Variants in RBFOX3 observed in about 807,000 individuals in gnomAD.
RBFOX3 encodes RNA binding protein fox-1 homolog 3.
In RBFOX3, 17 loss-of-function variants were observed where a neutral mutation model predicts 48.7. The observed-to-expected ratio is 0.35, with a 90% CI of 0.24 to 0.52. The LOEUF is 0.52. RBFOX3 is among the 20% of genes least tolerant of loss of function. The probability of loss-of-function intolerance (pLI) is 0.94; values close to 1 mark genes in which losing one functional copy is unlikely to be tolerated. For missense variants in RBFOX3, 382 were observed against 497.5 expected (o/e 0.77, Z 2.21); for synonymous variants, 212 against 209.5 (o/e 1.01, Z -0.10).
intron 4 of RBFOX3, among the ~76,000 whole-genome samples, chr17:79,158,205 C>T (rs138811593): frequency 2.6e-5 from 4 of 152,320 alleles, no homozygotes; most frequent in African/African-American, 9.6e-5. Flanking sequence ...ACAGAACCAA[C>T]CCTGCCCACA....
In RBFOX3 at chr17:79,115,498, A is replaced by T. The variant is rs897111080; in HGVS notation, c.218T>A (p.Val73Glu). 79 of 1,326,408 alleles carry T rather than the reference A, an allele frequency of 6.0e-5. No homozygotes were observed. Among genetic ancestry groups the T allele is most frequent in the Non-Finnish European group, 3.9e-6 (4 of 1,038,338 alleles). 82.2% of individuals were successfully genotyped at this position (1,326,408 alleles called of 1,614,324 possible). ...STQPIAGTQTVPQTDEAAQTD... is the reference protein window; with the variant it reads ...STQPIAGTQTEPQTDEAAQTD... ...TGGGGTCGTGGGGGCCCTTACCGGC[A>T]CTGTCTGGGTCCCGGCGATGGGCTG... Residue 73 changes from valine (V) to glutamate (E), a missense_variant, in exon 5 of 15, where the codon GTG becomes GAG. Coordinates refer to ENST00000693108, the MANE Select transcript of RBFOX3 (RefSeq NM_001350451.2).
chr17:79,584,038 G>A (rs2093162267), intron 1 of RBFOX3, among the ~76,000 whole-genome samples: 1 of 152,184 alleles, frequency 6.6e-6, no homozygotes, highest in Non-Finnish European at 1.5e-5. Flanking sequence ...AATGCTGGGA[G>A]AGGAGGAGGC....
At chr17:79,097,812 T>C in intron 9 of RBFOX3, 67 bp from the exon 10 acceptor site, 1 of 1,496,392 alleles carries the variant, frequency 6.7e-7, no homozygotes, top group Non-Finnish European at 9.1e-7. Flanking sequence ...AACGTATGCC[T>C]GGGAACCCCA....
intron 2 of RBFOX3, among the ~76,000 whole-genome samples, chr17:79,317,223 C>T (rs898374437): frequency 2.0e-5 from 3 of 152,198 alleles, no homozygotes; most frequent in Non-Finnish European, 4.4e-5. Flanking sequence ...AAATTGCAGA[C>T]CCAGTTCATT....
chr17:79,579,803 G>A (rs1006430906), intron 1 of RBFOX3, among the ~76,000 whole-genome samples: 5 of 146,346 alleles, frequency 3.4e-5, no homozygotes, highest in Admixed American at 3.4e-4. Context: ...CTGGCGCCAT[G>A]GTGGGGAGCC....
chr17:79,133,956 T>C (rs1485036222), intron 4 of RBFOX3, among the ~76,000 whole-genome samples: 19 of 152,236 alleles, frequency 1.2e-4, no homozygotes. Flanking sequence ...GTTTCTGTTT[T>C]CTGCATATTC....
intron 1 of RBFOX3, among the ~76,000 whole-genome samples, chr17:79,490,249 G>A (rs1047259792): frequency 2.0e-5 from 3 of 152,166 alleles, no homozygotes; most frequent in African/African-American, 7.2e-5. Context: ...TTTTGGTATT[G>A]TTGAAATGTT....
intron 2 of RBFOX3, among the ~76,000 whole-genome samples, chr17:79,449,622 AACACAC>A (rs57480439): frequency 2.5e-4 from 36 of 144,602 alleles, no homozygotes; most frequent in South Asian, 6.9e-4. Context: ...TGCACACATA[AACACAC>A]ACACACACAC....
chr17:79,297,588 C>T (rs1369913490), intron 3 of RBFOX3, among the ~76,000 whole-genome samples: 4 of 152,212 alleles, frequency 2.6e-5, no homozygotes, highest in African/African-American at 9.6e-5. Context: ...GAAATCTGGC[C>T]CAGTGCCTGC....
intron 14 of RBFOX3, among the ~76,000 whole-genome samples, chr17:79,091,592 G>A (rs2073913841): frequency 1.3e-5 from 2 of 152,240 alleles, no homozygotes; most frequent in Admixed American, 6.5e-5. Flanking sequence ...AATGCAGGGA[G>A]GGGACTGACC....
At chr17:79,598,319 T>A (rs1215712387) in intron 1 of RBFOX3, 1 of 152,348 alleles carries the variant, frequency 6.6e-6, no homozygotes, top group Admixed American at 6.5e-5. Flanking sequence ...CGTGCACACA[T>A]GCACACACAC....
rs1415159224 is a variant in RBFOX3 at position 79,311,605 on chromosome 17, TCTAC to T, written c.-174-3785_-174-3782del. 5.9e-5 allele frequency among the ~76,000 whole-genome samples: 9 copies of T among 152,174 alleles called. No individual in the cohort carries two copies. The highest frequency in any genetic ancestry group is 5.9e-4 in the Admixed American group (9 of 15,284). On this transcript the variant is annotated intron_variant, in intron 2 of 14. Coordinates refer to ENST00000693108, the MANE Select transcript of RBFOX3 (RefSeq NM_001350451.2). The surrounding 1 kb of genome is among the most constrained non-coding windows in gnomAD (Gnocchi z 4.2). ...CAATCAATAATCAATCAATCAATCA[TCTAC>T]CTACCTACCTAGGTCCTGTTGACTT...
intron 4 of RBFOX3, among the ~76,000 whole-genome samples, chr17:79,216,950 C>T (rs955249624): frequency 5.3e-5 from 8 of 152,168 alleles, no homozygotes; most frequent in South Asian, 2.1e-4. Context: ...GTCTCCCCAC[C>T]GTGGTGGCAG....
chr17:79,351,471 C>T (rs1199911044), intron 2 of RBFOX3, among the ~76,000 whole-genome samples: 2 of 152,168 alleles, frequency 1.3e-5, no homozygotes, highest in Non-Finnish European at 2.9e-5. Flanking sequence ...AGTGCAGTGG[C>T]TCACTGCAGC....
rs1254543647 is a variant in RBFOX3, at chr17:79,280,799, TC to T, written c.-74+26924del. On this transcript the variant is annotated intron_variant, in intron 3 of 14. Coordinates refer to ENST00000693108, the MANE Select transcript of RBFOX3 (RefSeq NM_001350451.2). ...GCCAGGGGCCTCTGCCTGCACATCA[TC>T]CTGAGACCAGGAAAGAGCTGCCAGG... Among the ~76,000 whole-genome samples the T allele has an allele frequency of 1.2e-4, 15 of 125,130 alleles. 1 individual carries two copies. Among genetic ancestry groups the T allele is most frequent in the African/African-American group, 4.5e-4 (15 of 33,132 alleles). The allele number at this position is 125,130 out of a possible 152,430, so 82.1% of individuals were successfully genotyped here. A position where few individuals can be genotyped will look rare whatever the true frequency, so the allele number is the denominator to read the frequency against.
rs1439761809 is a variant in RBFOX3, at chr17:79,214,350, A to G, written c.-34+21416T>C. 3.3e-5 allele frequency among the ~76,000 whole-genome samples: 5 copies of G among 152,162 alleles called. No individual in the cohort carries two copies. Among genetic ancestry groups the G allele is most frequent in the African/African-American group, 1.2e-4 (5 of 41,434 alleles). ...GGTCATGGAGGTGCCTCATGGAGGAAAGCCCTGTCTCCTCATTAATTAGAC... is the reference window on the plus strand; with the variant it reads ...GGTCATGGAGGTGCCTCATGGAGGAGAGCCCTGTCTCCTCATTAATTAGAC... On this transcript the variant is annotated intron_variant, in intron 4 of 14. Coordinates refer to ENST00000693108, the MANE Select transcript of RBFOX3 (RefSeq NM_001350451.2). The surrounding 1 kb of genome is among the most constrained non-coding windows in gnomAD (Gnocchi z 4.7).
At chr17:79,642,357 TCAC>T in the RBFOX3 span, among the ~76,000 whole-genome samples, 1 of 152,174 alleles carries the variant, frequency 6.6e-6, no homozygotes, top group Non-Finnish European at 1.5e-5. Flanking sequence ...TTAAGTATCT[TCAC>T]CACAACAAAA....
intron 3 of RBFOX3, among the ~76,000 whole-genome samples, chr17:79,284,366 T>C (rs1277006752): frequency 2.0e-5 from 3 of 152,234 alleles, no homozygotes; most frequent in Admixed American, 2.0e-4. Context: ...TTCAATGTTT[T>C]GTTATTCCAA....
chr17:79,332,527 G>A (rs4541108), intron 2 of RBFOX3, among the ~76,000 whole-genome samples: 9,413 of 138,706 alleles, frequency 0.068, 226 homozygotes, highest in East Asian at 0.12. Flanking sequence ...CATGAGTGAG[G>A]GGCAGCCAGA....
Sources: gnomAD v4.1 joint callset for allele counts (sites outside exome capture counted in the v4.1 genomes callset) on GRCh38, gnomAD v4.1.1 for gene constraint, Gnocchi (gnomAD v3.1) non-coding constraint, MANE v1.5 for transcripts, NCBI Gene and HGNC (gene_info 2026-07-23, HGNC 2026-07-21) for gene names.